CHD8: variants seen among roughly 807,000 people sequenced by gnomAD.
CHD8 encodes the protein ATP-dependent chromatin remodeler CHD8.
In CHD8, 31 loss-of-function variants were observed where a neutral mutation model predicts 279.2. The observed-to-expected ratio is 0.11, with a 90% CI of 0.08 to 0.15. The LOEUF (loss-of-function observed/expected upper bound fraction) is 0.15. Among genes scored for constraint, CHD8 ranks in the 10% least tolerant of loss-of-function variants. The pLI is 1.00. For missense variants in CHD8, 2,146 were observed against 3,230.5 expected (o/e 0.66, Z 8.14); for synonymous variants, 1,081 against 1,139.6 (o/e 0.95, Z 1.04).
chr14:21,403,493 G>A lies in CHD8; in HGVS notation c.3478C>T (p.Arg1160Cys), dbSNP rs1271346570. ...TAATCCTCTAGGATGTCTAGGCAGCGCACCATCTGAGAGAAGATCAGAACT... is the reference window on the plus strand; with the variant it reads ...TAATCCTCTAGGATGTCTAGGCAGCACACCATCTGAGAGAAGATCAGAACT... Reference protein sequence around the residue: ...HKVLIFSQMVRCLDILEDYLI... With the variant: ...HKVLIFSQMVCCLDILEDYLI... The change falls in exon 17 of 38, where the codon CGC becomes TGC. Residue 1160 changes from arginine (R) to cysteine (C), a missense_variant. Arg to Cys is a radical substitution (Grantham distance 180). Transcript: ENST00000646647. This position sits in a 1 kb window ranked among gnomAD's most constrained non-coding sequence, Gnocchi z 4.3. 7 of 1,613,336 alleles carry A rather than the reference G, an allele frequency of 4.3e-6. No individual in the cohort carries two copies. Among genetic ancestry groups the A allele is most frequent in the South Asian group, 3.3e-5 (3 of 91,040 alleles).
intron 1 of CHD8, among the ~76,000 whole-genome samples, chr14:21,436,702 A>G (rs1412589626): frequency 6.6e-6 from 1 of 152,188 alleles, no homozygotes; most frequent in African/African-American, 2.4e-5. Flanking sequence ...AAGGCTGGTA[A>G]AGTAAGACCT....
At position 21,394,374 on chromosome 14, in the gene CHD8, T is replaced by C. The variant is rs769468666; in HGVS notation, c.5502A>G (p.Arg1834=). 6.2e-7 allele frequency: 1 copy of C among 1,613,916 alleles called. No individual in the cohort carries two copies. Among genetic ancestry groups the C allele is most frequent in the Non-Finnish European group, 8.5e-7 (1 of 1,179,866 alleles). Residue 1834 remains arginine, a synonymous_variant, in exon 31 of 38, where the codon CGA becomes CGG. Coordinates refer to ENST00000646647, the MANE Select transcript of CHD8 (RefSeq NM_001170629.2). ...GGCTTTCATCTGTCTTTTTGTCTAGTCGAGCAAAAGTGCGGAAGCGATCCC... is the reference window on the plus strand; with the variant it reads ...GGCTTTCATCTGTCTTTTTGTCTAGCCGAGCAAAAGTGCGGAAGCGATCCC... ...FHWDRFRTFA[R]LDKKTDESLT... is the part of the protein sequence containing the mutation.
At chr14:21,418,976 C>T (rs1042752625) in intron 5 of CHD8, among the ~76,000 whole-genome samples, 9 of 152,208 alleles carry the variant, frequency 5.9e-5, no homozygotes, top group African/African-American at 2.2e-4. Flanking sequence ...GAAACATTTT[C>T]TTCACTTGGT....
chr14:21,436,128 A>G (rs1889771318), intron 1 of CHD8, among the ~76,000 whole-genome samples: 1 of 152,244 alleles, frequency 6.6e-6, no homozygotes, highest in South Asian at 2.1e-4. Flanking sequence ...GCACTTTTAG[A>G]AAGTACCACT....
rs751574010 is a variant in CHD8 at position 21,437,700 on chromosome 14, ATCT to A, written c.-215-5845_-215-5843del. 1.2e-4 allele frequency among the ~76,000 whole-genome samples: 18 copies of A among 152,204 alleles called. No homozygotes were observed. The South Asian group carries it at 1.2e-3, about 11-fold the overall frequency. The stretch of plus-strand genomic sequence containing the variant: ...CCCACTACCTAATAAAAGGGGCCAA[ATCT>A]TCTTCCCTCCATCGTGGGAGTCAGC... On this transcript the variant is annotated intron_variant, in intron 1 of 37. Coordinates refer to ENST00000646647, the MANE Select transcript of CHD8 (RefSeq NM_001170629.2).
At chr14:21,393,275 ATG>A in intron 32 of CHD8, 21 bp from the exon 33 acceptor site, 1 of 1,612,850 alleles carries the variant, frequency 6.2e-7, no homozygotes, top group Non-Finnish European at 8.5e-7. Flanking sequence ...AGCCCATAGA[ATG>A]TGTGAGAAAA....
chr14:21,392,975 A>AG (rs1395119595), intron 33 of CHD8, 131 bp downstream of exon 33: 5 of 677,552 alleles, frequency 7.4e-6, no homozygotes, highest in Non-Finnish European at 9.8e-6. Context: ...AGTTTCCTGG[A>AG]AAAAAAAAAA....
At chr14:21,399,089 T>G (rs1887919633) in intron 26 of CHD8, 1 of 323,678 alleles carries the variant, frequency 3.1e-6, no homozygotes, top group Non-Finnish European at 6.2e-6. Context: ...ATGGCCGTAC[T>G]CTTTCAGACT....
Position 21,415,594 on chromosome 14 carries a change from T to C in CHD8, c.1948A>G (p.Met650Val), listed in dbSNP as rs375852591. Reference sequence around the variant, plus strand: ...CTCACCTCCTTCTTCACAATCCGCATAGAAAGCACTTTGTCTACAATGGCT... The same window carrying C: ...CTCACCTCCTTCTTCACAATCCGCACAGAAAGCACTTTGTCTACAATGGCT... ...DAAIVDKVLS[M>V]RIVKKELPSG... The change falls in exon 7 of 38, where the codon ATG (methionine) becomes GTG (valine). Residue 650 changes from methionine (M) to valine (V), a missense_variant. Transcript: ENST00000646647. The C allele has an allele frequency of 1.9e-6, 3 of 1,572,634 alleles. No homozygotes were observed. Among genetic ancestry groups the C allele is most frequent in the African/African-American group, 2.7e-5 (2 of 73,680 alleles).
At position 21,429,064 on chromosome 14, in the gene CHD8, G is replaced by C; in HGVS notation, c.1115C>G (p.Pro372Arg). The change falls in exon 3 of 38, where the codon CCA (proline) becomes CGA (arginine). Residue 372 changes from proline to arginine, a missense_variant. Pro to Arg is a moderately radical substitution (Grantham distance 103). This residue lies in a region of CHD8 where 170 missense variants were observed against 189.9 expected (regional missense o/e 0.90). Coordinates refer to ENST00000646647, the MANE Select transcript of CHD8 (RefSeq NM_001170629.2). Reference sequence around the variant, plus strand: ...CTGCTGTACAGAGGACAGAGTCACTGGCTGGGTGGAGGGTGGCTGCTGGGG... The same window carrying C: ...CTGCTGTACAGAGGACAGAGTCACTCGCTGGGTGGAGGGTGGCTGCTGGGG... ...PQPQQPPSTQPVTLSSVQQAQ... is the reference protein window; with the variant it reads ...PQPQQPPSTQRVTLSSVQQAQ... The C allele has an allele frequency of 6.2e-7, 1 of 1,614,008 alleles. No individual in the cohort carries two copies. Among genetic ancestry groups the C allele is most frequent in the Non-Finnish European group, 8.5e-7 (1 of 1,179,892 alleles).
intron 10 of CHD8, among the ~76,000 whole-genome samples, chr14:21,412,159 T>G (rs113383135): frequency 4.3e-4 from 64 of 148,076 alleles, no homozygotes; most frequent in Middle Eastern, 3.5e-3. Context: ...TTGTTTGTTT[T>G]TTTTAGACGG....
chr14:21,419,375 A>T (rs1379375195), intron 5 of CHD8, among the ~76,000 whole-genome samples: 1 of 152,148 alleles, frequency 6.6e-6, no homozygotes. Flanking sequence ...CCTGAGCAAC[A>T]TGGTGAAACC....
intron 8 of CHD8, 146 bp downstream of exon 8, chr14:21,414,792 C>T: frequency 1.5e-6 from 1 of 679,658 alleles, no homozygotes. Context: ...GAATTTCTCT[C>T]TGAATAGCCA....
intron 5 of CHD8, among the ~76,000 whole-genome samples, chr14:21,422,450 G>T (rs1889086410): frequency 6.6e-6 from 1 of 152,108 alleles, no homozygotes; most frequent in Non-Finnish European, 1.5e-5. Flanking sequence ...AGTAATCTCT[G>T]TGTATTTTGT....
intron 1 of CHD8, among the ~76,000 whole-genome samples, chr14:21,454,061 G>C (rs902612884): frequency 1.3e-5 from 2 of 151,842 alleles, no homozygotes; most frequent in Admixed American, 1.3e-4. Flanking sequence ...GGAAGGCTCA[G>C]GCAGGAGAAT....
intron 34 of CHD8, 149 bp downstream of exon 34, chr14:21,392,358 G>T (rs938313731): frequency 3.6e-6 from 3 of 835,982 alleles, no homozygotes; most frequent in African/African-American, 3.4e-5. Flanking sequence ...CAGGAAAAAT[G>T]ATTCTTCCTA....
rs1375205404 is a variant in CHD8, at chr14:21,414,537, A to C, written c.2025-119T>G. The C allele has an allele frequency of 1.3e-5, 8 of 635,762 alleles. No homozygotes were observed. In the African/African-American group the frequency reaches 1.3e-4, roughly 10 times the overall value. The allele number at this position is 635,762 out of a possible 1,614,324, so 39.4% of individuals were successfully genotyped here. A position where few individuals can be genotyped will look rare whatever the true frequency, so the allele number is the denominator to read the frequency against. The stretch of plus-strand genomic sequence containing the variant: ...CAAATACAGGCTTAAATTGGGAGAC[A>C]GTCTCTTAGGTCAGTGCTTCTGAAA... On this transcript the variant is annotated intron_variant, in intron 8 of 37. Coordinates refer to ENST00000646647, the MANE Select transcript of CHD8 (RefSeq NM_001170629.2).
At chr14:21,436,854 A>G (rs1889799616) in intron 1 of CHD8, 2 of 713,790 alleles carry the variant, frequency 2.8e-6, no homozygotes, top group Non-Finnish European at 4.1e-6. Context: ...GTTGATGGAG[A>G]GGAAAACGCG....
In CHD8 at chr14:21,405,164, C is replaced by T; in HGVS notation, c.3307+45G>A. 6.3e-7 allele frequency: 1 copy of T among 1,592,940 alleles called. No homozygotes were observed. The highest frequency in any genetic ancestry group is 8.6e-7 in the Non-Finnish European group (1 of 1,164,412). ...CAAGGAGAATCATCCGGAAAGTAAACACAGGTACTACAGAAGTTCAGGTAT... is the reference window on the plus strand; with the variant it reads ...CAAGGAGAATCATCCGGAAAGTAAATACAGGTACTACAGAAGTTCAGGTAT... On this transcript the variant is annotated intron_variant, in intron 16 of 37. Transcript: ENST00000646647. The surrounding 1 kb of genome is among the most constrained non-coding windows in gnomAD (Gnocchi z 4.2).
Sources: gnomAD v4.1 joint callset for allele counts (sites outside exome capture counted in the v4.1 genomes callset) on GRCh38, gnomAD v4.1.1 for gene constraint, gnomAD v4.1.1 regional missense constraint, Gnocchi (gnomAD v3.1) non-coding constraint, MANE v1.5 for transcripts, NCBI Gene and HGNC (gene_info 2026-07-23, HGNC 2026-07-21) for gene names.